Variants in CHD5 observed in about 807,000 individuals in gnomAD.
The protein encoded by CHD5 is chromodomain helicase DNA binding protein 5, also known as ATP-dependent chromatin remodeler CHD5.
In CHD5, 69 loss-of-function variants were observed where a neutral mutation model predicts 230.3. That is an observed-to-expected ratio of 0.30 (90% confidence interval 0.25 to 0.37). CHD5 has a LOEUF of 0.37. Among genes scored for constraint, CHD5 ranks in the 10% least tolerant of loss-of-function variants. The pLI, the probability that CHD5 is intolerant of heterozygous loss-of-function variation, is 1.00. For synonymous variants in CHD5, 1,064 were observed against 1,065.9 expected (o/e 1.00, Z 0.03); for missense variants, 1,827 against 2,622.8 (o/e 0.70, Z 6.63).
At position 6,154,797 on chromosome 1, in the gene CHD5, C is replaced by A; in HGVS notation, c.608G>T (p.Gly203Val). The change falls in exon 5 of 42, where the codon GGC becomes GTC. Residue 203 changes from glycine (G) to valine (V), a missense_variant. By Grantham distance (109) the Gly-to-Val change is moderately radical (BLOSUM62 -3). Transcript: ENST00000262450. This position sits in a 1 kb window ranked among gnomAD's most constrained non-coding sequence, Gnocchi z 7.0. ...REFSANNPFK[G>V]SSAAAAAAAV... Reference sequence around the variant, plus strand: ...CGCCGCCGCTGCTGCCGCGGAGCTGCCCTTGAAGGGGTTGTTGGCGCTGAA... The same window carrying A: ...CGCCGCCGCTGCTGCCGCGGAGCTGACCTTGAAGGGGTTGTTGGCGCTGAA... The A allele has an allele frequency of 6.2e-7, 1 of 1,613,782 alleles. No individual in the cohort carries two copies. Among genetic ancestry groups the A allele is most frequent in the Non-Finnish European group, 8.5e-7 (1 of 1,179,972 alleles).
In CHD5 at chr1:6,105,650, G is replaced by T. The variant is rs1039113808; in HGVS notation, c.*47-223C>A. On this transcript the variant is annotated intron_variant, in intron 41 of 41. Coordinates refer to ENST00000262450, the MANE Select transcript of CHD5 (RefSeq NM_015557.3). The surrounding 1 kb of genome is among the most constrained non-coding windows in gnomAD (Gnocchi z 4.8). ...AGCAGTGGGCAGGGGCAGCCAGCCA[G>T]GAAGCCCCTCTGGAGCCTCCTCCAG... 1.3e-5 allele frequency among the ~76,000 whole-genome samples: 2 copies of T among 152,178 alleles called. No individual in the cohort carries two copies. The highest frequency in any genetic ancestry group is 4.8e-5 in the African/African-American group (2 of 41,436).
intron 11 of CHD5, 134 bp from the exon 12 acceptor site, chr1:6,144,289 A>T (rs1666876834): frequency 2.5e-6 from 3 of 1,223,766 alleles, no homozygotes; most frequent in Non-Finnish European, 3.5e-6. Context: ...CAGGAGGAGG[A>T]GACGAGGGCA....
rs781209836 is a variant in CHD5 at position 6,126,151 on chromosome 1, C to G, written c.4079-293G>C. On this transcript the variant is annotated intron_variant, in intron 26 of 41. Transcript: ENST00000262450. The surrounding 1 kb of genome is among the most constrained non-coding windows in gnomAD (Gnocchi z 5.7). ...TGAACTGAGCCACACCTTGTTCCCC[C>G]AAACACCCAGCACCTCTGCACCTGC... 3.9e-5 allele frequency among the ~76,000 whole-genome samples: 6 copies of G among 152,156 alleles called. No individual in the cohort carries two copies. Among genetic ancestry groups the G allele is most frequent in the Non-Finnish European group, 8.8e-5 (6 of 68,014 alleles).
At position 6,123,964 on chromosome 1, in the gene CHD5, G is replaced by T; in HGVS notation, c.4683C>A (p.Ala1561=). The T allele has an allele frequency of 1.9e-6, 3 of 1,587,138 alleles. No homozygotes were observed. Among genetic ancestry groups the T allele is most frequent in the Non-Finnish European group, 8.6e-7 (1 of 1,169,254 alleles). Residue 1561 remains alanine, a synonymous_variant, in exon 31 of 42, where the codon GCC becomes GCA. Transcript: ENST00000262450. ...VPASPAHLLP[A]PLGLPDKMEA... The stretch of plus-strand genomic sequence containing the variant: ...CCCACAGACCTGGCAGGCCCAGCGG[G>T]GCTGGCAGGAGGTGGGCAGGGCTGG...
chr1:6,159,545 C>A, intron 2 of CHD5, 30 bp from the exon 3 acceptor site: 1 of 1,575,704 alleles, frequency 6.3e-7, no homozygotes, highest in Non-Finnish European at 8.7e-7. Context: ...GTGAGGGCAA[C>A]AGAGGCCCCA....
At position 6,128,207 on chromosome 1, in the gene CHD5, C is replaced by A; in HGVS notation, c.3742G>T (p.Asp1248Tyr). The part of the protein sequence containing the change: ...HGSTPPGDNK[D>Y]VEDSSVIHYD... ...TGGATCACACTGCTGTCCTCCACGTCCTTGTTGTCACCTGGGGAGCAGGCA... is the reference window on the plus strand; with the variant it reads ...TGGATCACACTGCTGTCCTCCACGTACTTGTTGTCACCTGGGGAGCAGGCA... Residue 1248 changes from aspartate to tyrosine, a missense_variant, in exon 25 of 42, where the codon GAC becomes TAC. This residue lies in a region of CHD5 where 137 missense variants were observed against 272.7 expected (regional missense o/e 0.50). Coordinates refer to ENST00000262450, the MANE Select transcript of CHD5 (RefSeq NM_015557.3). The surrounding 1 kb of genome is among the most constrained non-coding windows in gnomAD (Gnocchi z 7.8). 1 of 1,614,038 alleles carries A rather than the reference C, an allele frequency of 6.2e-7. No individual in the cohort carries two copies. Among genetic ancestry groups the A allele is most frequent in the Non-Finnish European group, 8.5e-7 (1 of 1,179,992 alleles).
Position 6,148,844 on chromosome 1 carries a change from G to T in CHD5, c.1383+10C>A. 6.7e-7 allele frequency: 1 copy of T among 1,486,400 alleles called. No individual in the cohort carries two copies. Among genetic ancestry groups the T allele is most frequent in the Non-Finnish European group, 9.0e-7 (1 of 1,113,222 alleles). The allele number at this position is 1,486,400 out of a possible 1,614,324, so 92.1% of individuals were successfully genotyped here. A position where few individuals can be genotyped will look rare whatever the true frequency, so the allele number is the denominator to read the frequency against. ...CGGGGCGTCCGGCGCGGGGCGGGCG[G>T]AACACTCACAGTACAGCGCGGGCAG... On this transcript the variant is annotated intron_variant, in intron 9 of 41. Coordinates refer to ENST00000262450, the MANE Select transcript of CHD5 (RefSeq NM_015557.3).
chr1:6,116,977 G>C (rs1666387426), intron 33 of CHD5, among the ~76,000 whole-genome samples: 1 of 152,182 alleles, frequency 6.6e-6, no homozygotes, highest in South Asian at 2.1e-4. Flanking sequence ...GCAGATGAAA[G>C]GGAAGTGAGT....
At chr1:6,156,562 G>A (rs1187600692) in intron 3 of CHD5, among the ~76,000 whole-genome samples, 1 of 150,006 alleles carries the variant, frequency 6.7e-6, no homozygotes, top group African/African-American at 2.5e-5. Context: ...AAAAAGACAT[G>A]AGGCCTCCCC....
Position 6,134,678 on chromosome 1 carries a change from C to T in CHD5, c.3012+40G>A, listed in dbSNP as rs199591723. 2.4e-5 allele frequency: 38 copies of T among 1,600,560 alleles called. No individual in the cohort carries two copies. Among genetic ancestry groups the T allele is most frequent in the African/African-American group, 2.3e-4 (16 of 68,216 alleles). On this transcript the variant is annotated intron_variant, in intron 19 of 41. Coordinates refer to ENST00000262450, the MANE Select transcript of CHD5 (RefSeq NM_015557.3). The surrounding 1 kb of genome is among the most constrained non-coding windows in gnomAD (Gnocchi z 6.3). Reference sequence around the variant, plus strand: ...TGGCGGCCACAGGCACCTACCATGGCGGTCATGGAGAAGCTGCCATGATGG... The same window carrying T: ...TGGCGGCCACAGGCACCTACCATGGTGGTCATGGAGAAGCTGCCATGATGG...
At chr1:6,117,522 G>C (rs1386070236) in intron 33 of CHD5, among the ~76,000 whole-genome samples, 1 of 152,000 alleles carries the variant, frequency 6.6e-6, no homozygotes, top group African/African-American at 2.4e-5. Flanking sequence ...AGCCCTCCTG[G>C]ACAACATAGT....
At position 6,146,234 on chromosome 1, in the gene CHD5, T is replaced by C; in HGVS notation, c.1780A>G (p.Ile594Val). The change falls in exon 11 of 42, where the codon ATT (isoleucine) becomes GTT (valine). Residue 594 changes from isoleucine to valine, a missense_variant. Transcript: ENST00000262450. The surrounding 1 kb of genome is among the most constrained non-coding windows in gnomAD (Gnocchi z 5.1). ...CACCTATGGTTCAGGATTCGGTGAA[T>C]CATCATCCACTCTGGCTTGATGCCA... ...RYGIKPEWMMIHRILNHSFDK... is the reference protein window; with the variant it reads ...RYGIKPEWMMVHRILNHSFDK... The C allele has an allele frequency of 1.2e-6, 2 of 1,614,108 alleles. No homozygotes were observed. Among genetic ancestry groups the C allele is most frequent in the East Asian group, 4.5e-5 (2 of 44,888 alleles).
At chr1:6,166,964 T>A (rs1011248497) in intron 2 of CHD5, among the ~76,000 whole-genome samples, 3 of 151,778 alleles carry the variant, frequency 2.0e-5, no homozygotes, top group African/African-American at 7.3e-5. Flanking sequence ...TGGGACAAGC[T>A]CCCCAAACCC....
At chr1:6,140,700 T>C (rs1666813546) in intron 15 of CHD5, among the ~76,000 whole-genome samples, 1 of 151,958 alleles carries the variant, frequency 6.6e-6, no homozygotes, top group South Asian at 2.1e-4. Context: ...ATAGGGTCTT[T>C]GCAGACATAA....
At chr1:6,179,782 G>A (rs1396009457) in intron 1 of CHD5, among the ~76,000 whole-genome samples, 163 bp downstream of exon 1, 74 of 145,462 alleles carry the variant, frequency 5.1e-4, no homozygotes, top group Admixed American at 4.9e-3. Flanking sequence ...GCCCTTGGCC[G>A]CGCGGCGCCA....
chr1:6,146,902 G>A lies in CHD5; in HGVS notation c.1384-31C>T, dbSNP rs1323251510. 10 of 1,451,438 alleles carry A rather than the reference G, an allele frequency of 6.9e-6. No individual in the cohort carries two copies. Among genetic ancestry groups the A allele is most frequent in the Non-Finnish European group, 1.8e-6 (2 of 1,095,834 alleles). 89.9% of individuals were successfully genotyped at this position (1,451,438 alleles called of 1,614,324 possible). ...GACAGAGAAGGGTCCCCAAGGTGGG[G>A]CTCAGCTGCAGGGCCCCACCCTGAG... On this transcript the variant is annotated intron_variant, in intron 9 of 41. Transcript: ENST00000262450. This position sits in a 1 kb window ranked among gnomAD's most constrained non-coding sequence, Gnocchi z 5.1.
intron 1 of CHD5, among the ~76,000 whole-genome samples, chr1:6,169,683 G>A (rs1290459318): frequency 2.6e-5 from 4 of 152,342 alleles, no homozygotes; most frequent in South Asian, 2.1e-4. Context: ...ACTTCTGCCC[G>A]TGGGGGCAAA....
chr1:6,102,055 G>A lies in CHD5; in HGVS notation c.*3419C>T. ...GGGCTGTGCCTGGGGAAAGGGGTCG[G>A]CCCCCTCTTAGCTGGGCCTGGGCCG... is the stretch of plus-strand genomic sequence containing the variant. On this transcript the variant is annotated 3_prime_UTR_variant, in exon 42 of 42. Coordinates refer to ENST00000262450, the MANE Select transcript of CHD5 (RefSeq NM_015557.3). The A allele has an allele frequency of 5.0e-6, 2 of 396,668 alleles. No individual in the cohort carries two copies. The highest frequency in any genetic ancestry group is 1.0e-5 in the Non-Finnish European group (2 of 198,662). 24.6% of individuals were successfully genotyped at this position (396,668 alleles called of 1,614,324 possible).
intron 33 of CHD5, among the ~76,000 whole-genome samples, chr1:6,116,741 T>C (rs1236963609): frequency 6.6e-6 from 1 of 151,928 alleles, no homozygotes; most frequent in Non-Finnish European, 1.5e-5. Context: ...AAAAGAAAAA[T>C]AACAATGAGA....
Sources: gnomAD v4.1 joint callset for allele counts (sites outside exome capture counted in the v4.1 genomes callset) on GRCh38, gnomAD v4.1.1 for gene constraint, gnomAD v4.1.1 regional missense constraint, Gnocchi (gnomAD v3.1) non-coding constraint, MANE v1.5 for transcripts, NCBI Gene and HGNC (gene_info 2026-07-23, HGNC 2026-07-21) for gene names.